PPFIBP2: variants seen among roughly 807,000 people sequenced by gnomAD.
PPFIBP2 encodes liprin-beta-2.
PPFIBP2 carries 118 observed loss-of-function variants against 118.3 expected under a neutral mutation model. The ratio of observed to expected loss-of-function variants is 1.00; its 90% CI spans 0.86 to 1.16. PPFIBP2 has a LOEUF of 1.16. Among genes scored for constraint, PPFIBP2 ranks in the 50% most tolerant of loss-of-function variants. PPFIBP2 has a pLI of 0.00. For synonymous variants in PPFIBP2, 414 were observed against 397.4 expected (o/e 1.04, Z -0.50); for missense variants, 1,195 against 1,073.1 (o/e 1.11, Z -1.59).
chr11:7,590,902 C>T (rs1004647449), intron 3 of PPFIBP2, among the ~76,000 whole-genome samples: 1 of 152,202 alleles, frequency 6.6e-6, no homozygotes, highest in Admixed American at 6.5e-5. Flanking sequence ...CGTGAAGTTT[C>T]TCCCTTGCTC....
intron 20 of PPFIBP2, 62 bp from the exon 21 acceptor site, chr11:7,649,470 A>G (rs1853644542): frequency 3.1e-6 from 5 of 1,600,508 alleles, no homozygotes; most frequent in Admixed American, 1.7e-5. Context: ...CTGGTGAGGG[A>G]CATCAGGGGT....
chr11:7,615,556 G>A (rs890279913), intron 6 of PPFIBP2, among the ~76,000 whole-genome samples: 2 of 152,178 alleles, frequency 1.3e-5, no homozygotes, highest in African/African-American at 4.8e-5. Flanking sequence ...AATGGAGGGA[G>A]GGGAGTAGCA....
At chr11:7,560,403 C>CTG (rs751399451) in intron 2 of PPFIBP2, among the ~76,000 whole-genome samples, 1 of 152,166 alleles carries the variant, frequency 6.6e-6, no homozygotes, top group Non-Finnish European at 1.5e-5. Context: ...GGGTATTTCT[C>CTG]TGTATATATA....
chr11:7,532,731 GTT>G (rs1160408027), intron 1 of PPFIBP2, among the ~76,000 whole-genome samples: 12 of 152,234 alleles, frequency 7.9e-5, no homozygotes, highest in Non-Finnish European at 1.2e-4. Flanking sequence ...CCAGGCTGTT[GTT>G]GACAGTGCAC....
At chr11:7,560,615 T>A (rs1854193094) in intron 2 of PPFIBP2, among the ~76,000 whole-genome samples, 1 of 152,232 alleles carries the variant, frequency 6.6e-6, no homozygotes, top group Non-Finnish European at 1.5e-5. Context: ...TATATATTAA[T>A]CTTTGACTAC....
chr11:7,526,418 G>A (rs1028291485), intron 1 of PPFIBP2, among the ~76,000 whole-genome samples: 1 of 152,200 alleles, frequency 6.6e-6, no homozygotes, highest in Non-Finnish European at 1.5e-5. Context: ...AAAGAAAGAA[G>A]TTGGGACTCT....
At chr11:7,528,332 A>G (rs1850397373) in intron 1 of PPFIBP2, among the ~76,000 whole-genome samples, 1 of 152,172 alleles carries the variant, frequency 6.6e-6, no homozygotes. Context: ...AACTTCCTAA[A>G]TGCAGTTTTC....
Position 7,593,140 on chromosome 11 carries a change from A to C in PPFIBP2, c.288A>C (p.Val96=). Residue 96 remains valine (V), a synonymous_variant, in exon 4 of 24, where the codon GTA becomes GTC. Coordinates refer to ENST00000299492, the MANE Select transcript of PPFIBP2 (RefSeq NM_003621.5). ...KEWFEESLSQ[V]NHHSAASNET... ...TTTTCTGTCCTCTTTAGTCCCAGGT[A>C]AACCACCACAGTGCTGCTAGTAATG... The C allele has an allele frequency of 6.2e-7, 1 of 1,613,924 alleles. No individual in the cohort carries two copies. Among genetic ancestry groups the C allele is most frequent in the Non-Finnish European group, 8.5e-7 (1 of 1,179,932 alleles).
At chr11:7,521,161 G>C (rs1282995090) in intron 1 of PPFIBP2, among the ~76,000 whole-genome samples, 1 of 152,110 alleles carries the variant, frequency 6.6e-6, no homozygotes, top group Admixed American at 6.5e-5. Flanking sequence ...TCCTCTCTCT[G>C]TCATGTTCAT....
chr11:7,597,157 A>T, intron 4 of PPFIBP2: 1 of 1,446,638 alleles, frequency 6.9e-7, no homozygotes, highest in South Asian at 1.5e-5. Flanking sequence ...GTTAGTTTCC[A>T]TGAAGTTTGG....
intron 14 of PPFIBP2, among the ~76,000 whole-genome samples, chr11:7,639,477 G>T (rs1206447466): frequency 6.6e-6 from 1 of 152,174 alleles, no homozygotes; most frequent in Non-Finnish European, 1.5e-5. Flanking sequence ...CTTCCTGTTA[G>T]AGTCAGTTTC....
At chr11:7,611,735 A>G (rs995476025) in intron 6 of PPFIBP2, among the ~76,000 whole-genome samples, 1 of 152,238 alleles carries the variant, frequency 6.6e-6, no homozygotes, top group Admixed American at 6.5e-5. Flanking sequence ...GAGACAATGT[A>G]TGTGGAACCC....
chr11:7,665,900 G>T, the PPFIBP2 span: 1 of 1,536,158 alleles, frequency 6.5e-7, no homozygotes, highest in Non-Finnish European at 8.7e-7. Flanking sequence ...GAACTGCGCA[G>T]AATTGCTCAG....
At chr11:7,657,888 C>G (rs191917155), downstream of PPFIBP2, among the ~76,000 whole-genome samples, 1 of 152,216 alleles carries the variant, frequency 6.6e-6, no homozygotes, top group African/African-American at 2.4e-5. Context: ...ACTTGGAGCA[C>G]CTGCTCTGCA....
the PPFIBP2 span, among the ~76,000 whole-genome samples, chr11:7,663,890 T>A: frequency 1.1e-4 from 16 of 151,970 alleles, no homozygotes; most frequent in African/African-American, 2.4e-4. Context: ...CGCAGTATTC[T>A]GGTGGGAGTG....
intron 14 of PPFIBP2, among the ~76,000 whole-genome samples, chr11:7,638,908 G>A (rs373454013): frequency 3.3e-5 from 5 of 152,252 alleles, no homozygotes; most frequent in African/African-American, 9.6e-5. Context: ...GCTCTACCTC[G>A]TGCAGACTAT....
intron 1 of PPFIBP2, among the ~76,000 whole-genome samples, chr11:7,544,246 C>A (rs749451766): frequency 9.2e-5 from 14 of 152,178 alleles, no homozygotes; most frequent in Non-Finnish European, 2.1e-4. Flanking sequence ...TCATTAGGGT[C>A]AAAATGCCAG....
Position 7,616,226 on chromosome 11 carries a change from A to AG in PPFIBP2, c.619-4709_619-4708insG, listed in dbSNP as rs1848629126. Among the ~76,000 whole-genome samples the AG allele has an allele frequency of 6.6e-6, 1 of 152,238 alleles. No homozygotes were observed. Among genetic ancestry groups the AG allele is most frequent in the Non-Finnish European group, 1.5e-5 (1 of 68,050 alleles). ...GATTCCATGGATGCCTCTGACAGAT[A>AG]CAAAAAATTTAGGACAATAGTCCCC... On this transcript the variant is annotated intron_variant, in intron 6 of 23. Coordinates refer to ENST00000299492, the MANE Select transcript of PPFIBP2 (RefSeq NM_003621.5). This position sits in a 1 kb window ranked among gnomAD's most constrained non-coding sequence, Gnocchi z 5.2.
intron 4 of PPFIBP2, chr11:7,597,278 A>G: frequency 2.0e-6 from 3 of 1,535,562 alleles, no homozygotes; most frequent in South Asian, 2.4e-5. Flanking sequence ...GCCCAGAGGC[A>G]GCTCCTGTGG....
Sources: gnomAD v4.1 joint callset for allele counts (sites outside exome capture counted in the v4.1 genomes callset) on GRCh38, gnomAD v4.1.1 for gene constraint, Gnocchi (gnomAD v3.1) non-coding constraint, MANE v1.5 for transcripts, NCBI Gene and HGNC (gene_info 2026-07-23, HGNC 2026-07-21) for gene names.